DPP6: variants seen among roughly 807,000 people sequenced by gnomAD.
The protein encoded by DPP6 is dipeptidyl peptidase like 6.
In DPP6, 69 loss-of-function variants were observed where a neutral mutation model predicts 122.6. That is an observed-to-expected ratio of 0.56 (90% CI 0.46 to 0.69). The LOEUF (loss-of-function observed/expected upper bound fraction) is 0.69. Ranked by LOEUF, DPP6 falls within the 30% of genes least tolerant of loss-of-function variation. The pLI is 0.00. For missense variants in DPP6, 928 were observed against 1,116.9 expected, an observed-to-expected ratio of 0.83 and a Z score of 2.41; for synonymous variants, 418 against 433.1, an observed-to-expected ratio of 0.97 and a Z score of 0.43.
chr7:154,079,071 A>G (rs958922376), intron 1 of DPP6, among the ~76,000 whole-genome samples: 6 of 152,126 alleles, frequency 3.9e-5, no homozygotes, highest in Non-Finnish European at 7.4e-5. Flanking sequence ...ATCCTGGCCA[A>G]CATGGTGAAA....
At chr7:154,750,037 G>A (rs2131456642) in intron 8 of DPP6, among the ~76,000 whole-genome samples, 1 of 152,142 alleles carries the variant, frequency 6.6e-6, no homozygotes, top group East Asian at 1.9e-4. Flanking sequence ...CTGTGAGAGT[G>A]TGAGGAAGCA....
Position 154,489,364 on chromosome 7 carries a change from C to T in DPP6, c.457+14327C>T, listed in dbSNP as rs1055729715. ...TGACACCCATATCCTATGCTCCCTT[C>T]GCAAGCTGAGTATTTGCAGGACGCT... On this transcript the variant is annotated intron_variant, in intron 3 of 25. Transcript: ENST00000377770. Among the ~76,000 whole-genome samples the T allele has an allele frequency of 2.0e-5, 3 of 152,168 alleles. No individual in the cohort carries two copies. The East Asian group carries it at 5.8e-4, about 29-fold the overall frequency.
intron 8 of DPP6, among the ~76,000 whole-genome samples, chr7:154,758,738 T>TTCTG (rs141643766): frequency 6.6e-6 from 1 of 151,850 alleles, no homozygotes; most frequent in Non-Finnish European, 1.5e-5. Context: ...AACTGCAGGT[T>TTCTG]TTTGTTTGTT....
rs1477534980 is a variant in DPP6 at position 154,241,950 on chromosome 7, T to C, written c.243+188887T>C. Among the ~76,000 whole-genome samples, 3 of 152,164 alleles carry C rather than the reference T, an allele frequency of 2.0e-5. No individual in the cohort carries two copies. The highest frequency in any genetic ancestry group is 6.5e-5 in the Admixed American group (1 of 15,280). On this transcript the variant is annotated intron_variant, in intron 1 of 25. Transcript: ENST00000377770. The surrounding 1 kb of genome is among the most constrained non-coding windows in gnomAD (Gnocchi z 9.0). ...AGTTTCTAGTAGATGTTAATCAAAT[T>C]CTTTGCATGTGATTGCTCAGTCTCT... is the stretch of plus-strand genomic sequence containing the variant.
At chr7:154,269,016 G>A (rs1286359069) in intron 1 of DPP6, among the ~76,000 whole-genome samples, 1 of 150,402 alleles carries the variant, frequency 6.6e-6, no homozygotes, top group Non-Finnish European at 1.5e-5. Flanking sequence ...TCTATCTATT[G>A]ATTAAAGGAC....
intron 1 of DPP6, among the ~76,000 whole-genome samples, chr7:154,346,791 T>G (rs2151071765): frequency 6.6e-6 from 1 of 152,328 alleles, no homozygotes; most frequent in Admixed American, 6.5e-5. Flanking sequence ...GTCACTTATT[T>G]TACTGCAAAA....
In DPP6 at chr7:154,433,136, G is replaced by GTTTTTTT. The variant is rs548053204; in HGVS notation, c.244-13057_244-13051dup. On this transcript the variant is annotated intron_variant, in intron 1 of 25. Coordinates refer to ENST00000377770, the MANE Select transcript of DPP6 (RefSeq NM_130797.4). ...TAATGGCTCTCATACTAGACTGCAA[G>GTTTTTTT]TTTTTTTTTTTTTTTTTTTTTTTTT... Among the ~76,000 whole-genome samples the GTTTTTTT allele has an allele frequency of 1.3e-3, 92 of 72,348 alleles. 17 individuals are homozygous for GTTTTTTT. Among genetic ancestry groups the GTTTTTTT allele is most frequent in the African/African-American group, 5.2e-3 (88 of 16,826 alleles). The allele number at this position is 72,348 out of a possible 152,430, so 47.5% of individuals were successfully genotyped here.
At chr7:154,051,808 G>T (rs1800344377), upstream of DPP6, among the ~76,000 whole-genome samples, 1 of 150,842 alleles carries the variant, frequency 6.6e-6, no homozygotes, top group Non-Finnish European at 1.5e-5. Context: ...CCGGAGAGAG[G>T]CGAAGGGAAG....
At chr7:154,523,157 A>G (rs1033045735) in intron 3 of DPP6, among the ~76,000 whole-genome samples, 3 of 152,126 alleles carry the variant, frequency 2.0e-5, no homozygotes, top group African/African-American at 4.8e-5. Context: ...TTTTTATGAA[A>G]TATTTTAAAT....
At chr7:154,564,448 T>A (rs1830614341) in intron 4 of DPP6, among the ~76,000 whole-genome samples, 1 of 152,222 alleles carries the variant, frequency 6.6e-6, no homozygotes, top group South Asian at 2.1e-4. Flanking sequence ...CACCTTATGC[T>A]TCCAGAGAAG....
intron 6 of DPP6, among the ~76,000 whole-genome samples, chr7:154,658,485 T>C (rs1408168942): frequency 2.0e-5 from 3 of 152,178 alleles, no homozygotes; most frequent in Admixed American, 1.3e-4. Context: ...AGGGGATGCC[T>C]GGTCATTGGA....
chr7:154,114,087 C>T (rs2150591202), intron 1 of DPP6, among the ~76,000 whole-genome samples: 1 of 151,736 alleles, frequency 6.6e-6, no homozygotes, highest in East Asian at 1.9e-4. Context: ...TTCTTATCTT[C>T]ACAGAATATT....
intron 1 of DPP6, among the ~76,000 whole-genome samples, chr7:154,269,882 G>A (rs996114706): frequency 2.0e-5 from 3 of 152,144 alleles, no homozygotes; most frequent in Non-Finnish European, 2.9e-5. Flanking sequence ...TATAGCTGCC[G>A]TATACCGTAC....
chr7:154,313,604 G>T (rs150938372), intron 1 of DPP6, among the ~76,000 whole-genome samples: 2 of 148,822 alleles, frequency 1.3e-5, no homozygotes, highest in African/African-American at 5.0e-5. Context: ...GAAACTTCTG[G>T]CTTTCAAAGA....
chr7:153,966,747 A>G (rs1396249537), intron 1 of DPP6, among the ~76,000 whole-genome samples: 2 of 151,924 alleles, frequency 1.3e-5, no homozygotes, highest in Non-Finnish European at 2.9e-5. Context: ...GAACAAAATG[A>G]CAAGCCTCAT....
chr7:154,176,599 T>C (rs1797813782), intron 1 of DPP6, among the ~76,000 whole-genome samples: 1 of 152,250 alleles, frequency 6.6e-6, no homozygotes, highest in African/African-American at 2.4e-5. Flanking sequence ...CCATGTAAAA[T>C]GAGCAGGAAT....
intron 1 of DPP6, among the ~76,000 whole-genome samples, chr7:154,121,812 A>C (rs71532674): frequency 1.3e-5 from 2 of 152,214 alleles, no homozygotes; most frequent in African/African-American, 4.8e-5. Flanking sequence ...AGGTGTTCCC[A>C]CCAGAGCATG....
At position 154,023,198 on chromosome 7, in the gene DPP6, C is replaced by T. The variant is rs577875452; in HGVS notation, c.51+135464C>T. Among the ~76,000 whole-genome samples the T allele has an allele frequency of 3.3e-5, 5 of 151,884 alleles. No homozygotes were observed. The South Asian group carries it at 1.0e-3, about 32-fold the overall frequency. ...GGAAGTGACAAAGGTGCAGACTTAC[C>T]CTTGGCATCTTTTGTACCTTTAACC... On this transcript the variant is annotated intron_variant, in intron 1 of 25. Transcript: ENST00000404039.
At position 154,702,328 on chromosome 7, in the gene DPP6, T is replaced by C. The variant is rs142444099; in HGVS notation, c.763-25439T>C. 4.7e-4 allele frequency among the ~76,000 whole-genome samples: 72 copies of C among 152,358 alleles called. 1 individual carries two copies. The East Asian group carries it at 0.01, about 21-fold the overall frequency. ...ATGGAAGAATTGCAGGTCTCTCACT[T>C]TAAATCAAAAGCTAGAAATGAGTAA... On this transcript the variant is annotated intron_variant, in intron 7 of 25. Coordinates refer to ENST00000377770, the MANE Select transcript of DPP6 (RefSeq NM_130797.4).
Sources: gnomAD v4.1 joint callset for allele counts (sites outside exome capture counted in the v4.1 genomes callset) on GRCh38, gnomAD v4.1.1 for gene constraint, Gnocchi (gnomAD v3.1) non-coding constraint, MANE v1.5 for transcripts, NCBI Gene and HGNC (gene_info 2026-07-23, HGNC 2026-07-21) for gene names.